Variants in TLR2 observed in about 807,000 individuals in gnomAD.
TLR2 encodes the protein toll like receptor 2, also known as toll-like receptor 2.
Under a neutral mutation model 9.1 loss-of-function variants are expected in TLR2, and 7 were observed. That is an observed-to-expected ratio of 0.77 (90% confidence interval 0.44 to 1.44). The LOEUF (loss-of-function observed/expected upper bound fraction) is 1.44, where lower values mean the gene tolerates loss of function less well. Among genes scored for constraint, TLR2 ranks in the 40% most tolerant of loss-of-function variants. The probability of loss-of-function intolerance (pLI) is 0.01; values close to 1 mark genes in which losing one functional copy is unlikely to be tolerated. For missense variants in TLR2, 812 were observed against 904.6 expected, an observed-to-expected ratio of 0.90 and a Z score of 1.31; for synonymous variants, 317 against 344.6, an observed-to-expected ratio of 0.92 and a Z score of 0.89.
rs149337819 is a variant in TLR2, at chr4:153,703,136, A to T, written c.229A>T (p.Asn77Tyr). ...ISNSDLQRCV[N>Y]LQALVLTSNG... Reference sequence around the variant, plus strand: ...CAACAGTGACCTACAGAGGTGTGTGAACCTCCAGGCTCTGGTGCTGACATC... The same window carrying T: ...CAACAGTGACCTACAGAGGTGTGTGTACCTCCAGGCTCTGGTGCTGACATC... Residue 77 changes from asparagine (N) to tyrosine (Y), a missense_variant, in exon 3 of 3, where the codon AAC becomes TAC. Physicochemically the swap from Asn to Tyr is moderately radical, Grantham distance 143. Transcript: ENST00000642700. 5 of 1,614,072 alleles carry T rather than the reference A, an allele frequency of 3.1e-6. No individual in the cohort carries two copies. The highest frequency in any genetic ancestry group is 4.2e-6 in the Non-Finnish European group (5 of 1,180,036).
At position 153,697,679 on chromosome 4, in the gene TLR2, A is replaced by G. The variant is rs576099568; in HGVS notation, c.-16-5213A>G. 2.0e-5 allele frequency among the ~76,000 whole-genome samples: 3 copies of G among 152,290 alleles called. No homozygotes were observed. The East Asian group carries it at 5.8e-4, about 29-fold the overall frequency. On this transcript the variant is annotated intron_variant, in intron 2 of 2. Transcript: ENST00000642700. ...GGGCTTCTGGAATATCTCAAAAGAA[A>G]TTGTTTTCTCTCCTGATAAAAAAGA...
At chr4:153,691,606 A>C (rs1054046069) in intron 2 of TLR2, among the ~76,000 whole-genome samples, 1 of 152,082 alleles carries the variant, frequency 6.6e-6, no homozygotes, top group Non-Finnish European at 1.5e-5. Context: ...TTGCTTTTTG[A>C]TTAGCTGCAG....
At chr4:153,690,820 A>G (rs1307451420) in intron 2 of TLR2, among the ~76,000 whole-genome samples, 1 of 152,226 alleles carries the variant, frequency 6.6e-6, no homozygotes, top group Admixed American at 6.5e-5. Flanking sequence ...CTAGGCGATC[A>G]GCCATTTGAT....
downstream of TLR2, chr4:153,710,522 C>T (rs1233354420): frequency 1.3e-6 from 2 of 1,598,166 alleles, no homozygotes; most frequent in African/African-American, 1.3e-5. Flanking sequence ...GTTCTATATA[C>T]AGCCAAGTAG....
At chr4:153,694,810 G>A (rs538450629) in intron 2 of TLR2, among the ~76,000 whole-genome samples, 3 of 151,806 alleles carry the variant, frequency 2.0e-5, no homozygotes, top group African/African-American at 7.2e-5. Flanking sequence ...AACCATCCCA[G>A]TCCCCCTGCT....
At chr4:153,706,281 G>A (rs986437910), downstream of TLR2, among the ~76,000 whole-genome samples, 1 of 152,152 alleles carries the variant, frequency 6.6e-6, no homozygotes, top group African/African-American at 2.4e-5. Flanking sequence ...CCGGACTCTG[G>A]TCTTCCTCAG....
Position 153,704,207 on chromosome 4 carries a change from T to C in TLR2, c.1300T>C (p.Trp434Arg), listed in dbSNP as rs776481651. ...SFHSMPETCQ[W>R]PEKMKYLNLS... ...TCATTCTATGCCTGAAACTTGTCAG[T>C]GGCCAGAAAAGATGAAATATTTGAA... is the stretch of plus-strand genomic sequence containing the variant. The change falls in exon 3 of 3, where the codon TGG becomes CGG. Residue 434 changes from tryptophan (W) to arginine (R), a missense_variant. Trp to Arg is a moderately radical substitution (Grantham distance 101). Transcript: ENST00000642700. The C allele has an allele frequency of 9.9e-6, 16 of 1,614,068 alleles. No individual in the cohort carries two copies. The highest frequency in any genetic ancestry group is 1.4e-5 in the Non-Finnish European group (16 of 1,180,038).
chr4:153,710,406 A>G, downstream of TLR2: 3 of 1,570,758 alleles, frequency 1.9e-6, no homozygotes, highest in Non-Finnish European at 2.6e-6. Context: ...GCCTTGAACT[A>G]TTCCTATCAC....
At chr4:153,696,392 A>G (rs952270958) in intron 2 of TLR2, among the ~76,000 whole-genome samples, 1 of 152,042 alleles carries the variant, frequency 6.6e-6, no homozygotes, top group South Asian at 2.1e-4. Context: ...ATCAGTGTTT[A>G]TAGTTTTCAT....
At position 153,706,039 on chromosome 4, in the gene TLR2, A is replaced by G. The variant is rs1049476336; in HGVS notation, c.*777A>G. The stretch of plus-strand genomic sequence containing the variant: ...GGGGCACTCCCCAAAACTTGTTGCT[A>G]TTCCTAGAAAAAAGTGCTGTGTATT... On this transcript the variant is annotated 3_prime_UTR_variant, in exon 3 of 3. Coordinates refer to ENST00000642700, the MANE Select transcript of TLR2 (RefSeq NM_001318789.2). Among the ~76,000 whole-genome samples, 1 of 152,238 alleles carries G rather than the reference A, an allele frequency of 6.6e-6. No individual in the cohort carries two copies. The highest frequency in any genetic ancestry group is 2.4e-5 in the African/African-American group (1 of 41,474).
In TLR2 at chr4:153,703,332, C is replaced by T. The variant is rs761496570; in HGVS notation, c.425C>T (p.Thr142Ile). 2.0e-5 allele frequency: 32 copies of T among 1,613,636 alleles called. No homozygotes were observed. Among genetic ancestry groups the T allele is most frequent in the Admixed American group, 1.5e-4 (9 of 59,926 alleles). Residue 142 changes from threonine to isoleucine, a missense_variant, in exon 3 of 3, where the codon ACA becomes ATA. Coordinates refer to ENST00000642700, the MANE Select transcript of TLR2 (RefSeq NM_001318789.2). Reference sequence around the variant, plus strand: ...AATCCTTACAAAACCCTAGGGGAAACATCTCTTTTTTCTCATCTCACAAAA... The same window carrying T: ...AATCCTTACAAAACCCTAGGGGAAATATCTCTTTTTTCTCATCTCACAAAA... ...LGNPYKTLGE[T>I]SLFSHLTKLQ... is the part of the protein sequence containing the mutation.
rs748925472 is a variant in TLR2, at chr4:153,704,122, C to T, written c.1215C>T (p.Thr405=). ...ATCATTTGGCATCATTGGAAAAAAC[C>T]GGAGAGACTTTGCTCACTCTGAAAA... ...RQNHLASLEK[T]GETLLTLKNL... The change falls in exon 3 of 3, where the codon ACC becomes ACT. Residue 405 remains threonine, a synonymous_variant. Coordinates refer to ENST00000642700, the MANE Select transcript of TLR2 (RefSeq NM_001318789.2). 16 of 1,613,730 alleles carry T rather than the reference C, an allele frequency of 9.9e-6. No individual in the cohort carries two copies. Among genetic ancestry groups the T allele is most frequent in the East Asian group, 4.5e-5 (2 of 44,880 alleles).
intron 2 of TLR2, chr4:153,701,702 A>G (rs1330319064): frequency 6.6e-6 from 1 of 151,914 alleles, no homozygotes; most frequent in Non-Finnish European, 1.5e-5. Flanking sequence ...TACCAATTAT[A>G]CCTTAATAAA....
At position 153,705,218 on chromosome 4, in the gene TLR2, C is replaced by CG. The variant is rs1737259073; in HGVS notation, c.2314dup (p.Glu772GlyfsTer19). 5 of 1,602,866 alleles carry CG rather than the reference C, an allele frequency of 3.1e-6. No individual in the cohort carries two copies. The highest frequency in any genetic ancestry group is 4.3e-6 in the Non-Finnish European group (5 of 1,173,314). On this transcript the variant is annotated frameshift_variant, in exon 3 of 3. Transcript: ENST00000642700. LOFTEE classifies it high-confidence loss of function. ...GGAGTGGCCCATGGACGAGGCTCAG[C>CG]GGGAAGGATTTTGGGTAAATCTGAG... is the stretch of plus-strand genomic sequence containing the variant.
chr4:153,691,449 A>G (rs1260019606), intron 2 of TLR2, among the ~76,000 whole-genome samples: 1 of 152,176 alleles, frequency 6.6e-6, no homozygotes, highest in Non-Finnish European at 1.5e-5. Context: ...AAGGAGTTAG[A>G]GTCTGTGAAT....
chr4:153,706,592 A>G (rs1737340109), downstream of TLR2, among the ~76,000 whole-genome samples: 1 of 152,240 alleles, frequency 6.6e-6, no homozygotes, highest in Admixed American at 6.5e-5. Context: ...TCTAGGTATA[A>G]TAATACCACA....
intron 2 of TLR2, among the ~76,000 whole-genome samples, chr4:153,692,902 G>GA (rs1229345775): frequency 6.6e-6 from 1 of 152,188 alleles, no homozygotes; most frequent in African/African-American, 2.4e-5. Flanking sequence ...AGAAATGATT[G>GA]AAATGTCCGC....
At chr4:153,685,491 T>G (rs991748874) in intron 1 of TLR2, among the ~76,000 whole-genome samples, 3 of 152,188 alleles carry the variant, frequency 2.0e-5, no homozygotes, top group Non-Finnish European at 4.4e-5. Context: ...TGGCCTGACT[T>G]GAAGGGACAG....
chr4:153,700,479 T>C (rs1248011708), intron 2 of TLR2, among the ~76,000 whole-genome samples: 1 of 152,186 alleles, frequency 6.6e-6, no homozygotes, highest in Admixed American at 6.5e-5. Flanking sequence ...GAAGATTCAA[T>C]ACTGTAATGA....
Sources: allele counts gnomAD v4.1 joint callset (sites outside exome capture counted in the v4.1 genomes callset), GRCh38; gene constraint gnomAD v4.1.1; transcripts MANE v1.5; gene names NCBI Gene and HGNC (gene_info 2026-07-23, HGNC 2026-07-21).